Variants in PDLIM5 observed in about 807,000 individuals in gnomAD.
PDLIM5 encodes the protein PDZ and LIM domain 5.
A neutral mutation model predicts 64.2 loss-of-function variants in PDLIM5; 34 were observed. That is an observed-to-expected ratio of 0.53 (90% CI 0.40 to 0.71). The LOEUF is 0.71. Among genes scored for constraint, PDLIM5 ranks in the 30% least tolerant of loss-of-function variants. The pLI is 0.00. For synonymous variants in PDLIM5, 253 were observed against 269.1 expected, an observed-to-expected ratio of 0.94 and a Z score of 0.59; for missense variants, 683 against 733.6, an observed-to-expected ratio of 0.93 and a Z score of 0.80.
chr4:94,663,704 A>G (rs1202072350), intron 12 of PDLIM5, among the ~76,000 whole-genome samples: 1 of 152,218 alleles, frequency 6.6e-6, no homozygotes, highest in Non-Finnish European at 1.5e-5. Flanking sequence ...CAAGTTAGGG[A>G]TAAATCTTCC....
intron 3 of PDLIM5, among the ~76,000 whole-genome samples, chr4:94,557,939 C>G (rs1037674454): frequency 1.3e-5 from 2 of 152,170 alleles, no homozygotes; most frequent in Non-Finnish European, 2.9e-5. Context: ...ACTTCCAACA[C>G]TATGTTGAAT....
chr4:94,543,208 C>T (rs1384239692), intron 3 of PDLIM5, among the ~76,000 whole-genome samples: 2 of 152,148 alleles, frequency 1.3e-5, no homozygotes, highest in African/African-American at 2.4e-5. Flanking sequence ...AGTCCCAAAT[C>T]AAGGTGCTGG....
intron 3 of PDLIM5, among the ~76,000 whole-genome samples, chr4:94,571,891 G>A (rs949088596): frequency 6.6e-6 from 1 of 152,176 alleles, no homozygotes; most frequent in Admixed American, 6.5e-5. Flanking sequence ...CTATTAAATA[G>A]TACACATAGA....
At chr4:94,539,637 G>A (rs560414541) in intron 3 of PDLIM5, among the ~76,000 whole-genome samples, 1 of 152,316 alleles carries the variant, frequency 6.6e-6, no homozygotes, top group South Asian at 2.1e-4. Flanking sequence ...CAGAATGTAG[G>A]TATGTACAAG....
chr4:94,586,976 T>TG (rs1736268813), intron 7 of PDLIM5: 1 of 1,300,268 alleles, frequency 7.7e-7, no homozygotes, highest in African/African-American at 1.7e-5. Flanking sequence ...TTTTTTTTTT[T>TG]GTATTTCCAC....
At chr4:94,564,691 T>G (rs1385069619) in intron 3 of PDLIM5, among the ~76,000 whole-genome samples, 1 of 130,254 alleles carries the variant, frequency 7.7e-6, no homozygotes, top group Non-Finnish European at 1.6e-5. Context: ...AGTCTTGCTT[T>G]GTCTCCCAGG....
At chr4:94,564,399 C>G (rs1734111032) in intron 3 of PDLIM5, among the ~76,000 whole-genome samples, 1 of 152,216 alleles carries the variant, frequency 6.6e-6, no homozygotes, top group Non-Finnish European at 1.5e-5. Flanking sequence ...TGGAACCTTT[C>G]TAGCCCCACT....
intron 3 of PDLIM5, among the ~76,000 whole-genome samples, chr4:94,551,279 T>C (rs1732783399): frequency 6.6e-6 from 1 of 152,128 alleles, no homozygotes; most frequent in Non-Finnish European, 1.5e-5. Context: ...TATACCTGTT[T>C]AATGCCAATA....
chr4:94,497,162 G>A (rs939763163), intron 2 of PDLIM5, among the ~76,000 whole-genome samples: 1 of 152,146 alleles, frequency 6.6e-6, no homozygotes, highest in African/African-American at 2.4e-5. Context: ...TTTGTCCTAT[G>A]TATTATCTAT....
intron 2 of PDLIM5, among the ~76,000 whole-genome samples, chr4:94,490,207 A>G (rs1408825131): frequency 6.6e-6 from 1 of 152,046 alleles, no homozygotes; most frequent in African/African-American, 2.4e-5. Context: ...AAAATAATGT[A>G]AACATTTTTG....
chr4:94,613,775 A>T (rs941555063), intron 7 of PDLIM5, among the ~76,000 whole-genome samples: 1 of 132,970 alleles, frequency 7.5e-6, no homozygotes, highest in Non-Finnish European at 1.6e-5. Context: ...GGATTTAGTT[A>T]CACCTTAAAT....
rs1739381383 is a variant in PDLIM5 at position 94,623,030 on chromosome 4, A to T, written c.1108+4839A>T. ...GCTTCTCCTATAGCATTCTTGTGAA[A>T]TCAAATGATATAACTAGGCTGCAGA... is the stretch of plus-strand genomic sequence containing the variant. On this transcript the variant is annotated intron_variant, in intron 8 of 12. Coordinates refer to ENST00000317968, the MANE Select transcript of PDLIM5 (RefSeq NM_006457.5). 1.3e-5 allele frequency among the ~76,000 whole-genome samples: 2 copies of T among 152,200 alleles called. 1 individual carries two copies. Among genetic ancestry groups the T allele is most frequent in the Admixed American group, 1.3e-4 (2 of 15,278 alleles).
intron 12 of PDLIM5, among the ~76,000 whole-genome samples, chr4:94,663,598 C>G (rs1375517321): frequency 6.6e-6 from 1 of 152,072 alleles, no homozygotes; most frequent in African/African-American, 2.4e-5. Flanking sequence ...TTTGGTAAAG[C>G]AAATGAGTCT....
intron 3 of PDLIM5, among the ~76,000 whole-genome samples, chr4:94,551,229 A>G (rs1732778578): frequency 6.6e-6 from 1 of 152,052 alleles, no homozygotes; most frequent in African/African-American, 2.4e-5. Context: ...CTGTGAAGCG[A>G]TATTATTTAT....
chr4:94,507,955 T>A (rs976006566), intron 2 of PDLIM5, among the ~76,000 whole-genome samples: 1 of 152,178 alleles, frequency 6.6e-6, no homozygotes, highest in Admixed American at 6.6e-5. Flanking sequence ...AACAGTGACA[T>A]TGCTTAATAG....
chr4:94,662,390 A>T, intron 11 of PDLIM5, 32 bp from the exon 12 acceptor site: 2 of 1,002,674 alleles, frequency 2.0e-6, no homozygotes, highest in African/African-American at 1.6e-5. Flanking sequence ...CATCATGTTT[A>T]AATTATGTCT....
At chr4:94,608,568 GAT>G (rs1738116812) in intron 7 of PDLIM5, among the ~76,000 whole-genome samples, 2 of 152,194 alleles carry the variant, frequency 1.3e-5, no homozygotes, top group South Asian at 4.1e-4. Flanking sequence ...CTGCTTATGA[GAT>G]ATAACTAGAT....
At chr4:94,539,890 G>T (rs1171148004) in intron 3 of PDLIM5, among the ~76,000 whole-genome samples, 1 of 152,056 alleles carries the variant, frequency 6.6e-6, no homozygotes, top group Non-Finnish European at 1.5e-5. Context: ...TGGTTAGAGG[G>T]TTGGGAGGGT....
chr4:94,452,559 C>T (rs920926317), intron 1 of PDLIM5, among the ~76,000 whole-genome samples: 1 of 152,220 alleles, frequency 6.6e-6, no homozygotes, highest in East Asian at 1.9e-4. Flanking sequence ...TCTGCGCGTC[C>T]AGAAATAAAG....
Sources: gnomAD v4.1 joint callset for allele counts (sites outside exome capture counted in the v4.1 genomes callset) on GRCh38, gnomAD v4.1.1 for gene constraint, MANE v1.5 for transcripts, NCBI Gene and HGNC (gene_info 2026-07-23, HGNC 2026-07-21) for gene names.